ZNF462: variants seen among roughly 807,000 people sequenced by gnomAD.
ZNF462 encodes zinc finger PBX1-interacting protein.
In ZNF462, 10 loss-of-function variants were observed where a neutral mutation model predicts 201.9. That is an observed-to-expected ratio of 0.05 (90% CI 0.03 to 0.08). The LOEUF (loss-of-function observed/expected upper bound fraction) is 0.08. ZNF462 is among the 10% of genes least tolerant of loss of function. ZNF462 has a pLI of 1.00. For synonymous variants in ZNF462, 1,227 were observed against 1,193.3 expected (o/e 1.03, Z -0.58); for missense variants, 2,523 against 3,168.3 (o/e 0.80, Z 4.89).
At chr9:106,983,466 T>G (rs1827596949) in intron 9 of ZNF462, among the ~76,000 whole-genome samples, 1 of 152,126 alleles carries the variant, frequency 6.6e-6, no homozygotes, top group African/African-American at 2.4e-5. Context: ...AGACTTGATA[T>G]TAGATGAGAA....
chr9:106,890,830 C>A lies in ZNF462; in HGVS notation c.-31+27475C>A, dbSNP rs189689217. On this transcript the variant is annotated intron_variant, in intron 1 of 12. Transcript: ENST00000277225. This position sits in a 1 kb window ranked among gnomAD's most constrained non-coding sequence, Gnocchi z 4.2. ...ATCATGAGATTACCACATACTCTTG[C>A]CTGGAATCTTGCCAGCAATAGTGAA... Among the ~76,000 whole-genome samples, 441 of 152,212 alleles carry A rather than the reference C, an allele frequency of 2.9e-3. 1 individual carries two copies. The highest frequency in any genetic ancestry group is 8.5e-3 in the South Asian group (41 of 4,820).
intron 1 of ZNF462, among the ~76,000 whole-genome samples, chr9:106,864,238 G>C (rs1222386558): frequency 6.6e-6 from 1 of 151,978 alleles, no homozygotes; most frequent in Non-Finnish European, 1.5e-5. Flanking sequence ...GGGGGCGCAG[G>C]TTCAGGAGCG....
In ZNF462 at chr9:106,902,937, C is replaced by A. The variant is rs1829124687; in HGVS notation, c.-30-20417C>A. Among the ~76,000 whole-genome samples the A allele has an allele frequency of 6.6e-6, 1 of 151,704 alleles. No homozygotes were observed. The highest frequency in any genetic ancestry group is 2.4e-5 in the African/African-American group (1 of 41,312). ...TTTGTTTGAATTTCATTTAGTTTTG[C>A]CCTGATCTTGGTTATTTCCTCCCTT... is the stretch of plus-strand genomic sequence containing the variant. On this transcript the variant is annotated intron_variant, in intron 1 of 12. Transcript: ENST00000277225. The surrounding 1 kb of genome is among the most constrained non-coding windows in gnomAD (Gnocchi z 4.2).
Position 106,930,429 on chromosome 9 carries a change from G to A in ZNF462, c.5848-96G>A, listed in dbSNP as rs1830378441. ...TCCCTTGGTTTTTAACCTGCTAATC[G>A]GCTTTAAAATAAAGTATGTTAGTAA... On this transcript the variant is annotated intron_variant, in intron 3 of 12. Transcript: ENST00000277225. The surrounding 1 kb of genome is among the most constrained non-coding windows in gnomAD (Gnocchi z 5.8). 17 of 1,484,974 alleles carry A rather than the reference G, an allele frequency of 1.1e-5. No individual in the cohort carries two copies. The highest frequency in any genetic ancestry group is 1.1e-4 in the South Asian group (8 of 75,738). The allele number at this position is 1,484,974 out of a possible 1,614,324, so 92.0% of individuals were successfully genotyped here.
intron 7 of ZNF462, among the ~76,000 whole-genome samples, chr9:106,952,142 A>G (rs1356884413): frequency 6.6e-6 from 1 of 152,158 alleles, no homozygotes; most frequent in Non-Finnish European, 1.5e-5. Context: ...AGTACCATTC[A>G]CATTGTTGTT....
In ZNF462 at chr9:106,928,191, G is replaced by A; in HGVS notation, c.4279G>A (p.Val1427Met). 6.2e-7 allele frequency: 1 copy of A among 1,614,120 alleles called. No homozygotes were observed. Among genetic ancestry groups the A allele is most frequent in the Non-Finnish European group, 8.5e-7 (1 of 1,180,028 alleles). Residue 1427 changes from valine (V) to methionine (M), a missense_variant, in exon 3 of 13, where the codon GTG becomes ATG. By Grantham distance (21) the Val-to-Met change is conservative. Coordinates refer to ENST00000277225, the MANE Select transcript of ZNF462 (RefSeq NM_021224.6). The surrounding 1 kb of genome is among the most constrained non-coding windows in gnomAD (Gnocchi z 9.3). ...ILSSEELAGP[V>M]NCENSIPTPF... The stretch of plus-strand genomic sequence containing the variant: ...TTCATCCGAAGAGTTGGCAGGCCCT[G>A]TGAATTGTGAAAACAGTATACCCAC...
At chr9:106,940,331 A>G (rs1009719076) in intron 7 of ZNF462, among the ~76,000 whole-genome samples, 2 of 152,182 alleles carry the variant, frequency 1.3e-5, no homozygotes, top group Non-Finnish European at 2.9e-5. Context: ...CTTTGGGACC[A>G]TTTATAACAA....
At chr9:106,891,664 T>A (rs1286367063) in intron 1 of ZNF462, among the ~76,000 whole-genome samples, 1 of 152,230 alleles carries the variant, frequency 6.6e-6, no homozygotes, top group East Asian at 1.9e-4. Context: ...CATCTGAACG[T>A]GAAATCACTT....
At chr9:106,976,488 A>G (rs1205963264) in intron 9 of ZNF462, 3 of 152,230 alleles carry the variant, frequency 2.0e-5, no homozygotes, top group Non-Finnish European at 4.4e-5. Flanking sequence ...TGCAGGGCAC[A>G]TGAGAGCTGG....
At position 106,950,505 on chromosome 9, in the gene ZNF462, G is replaced by C. The variant is rs1386938470; in HGVS notation, c.6427+11398G>C. 6.6e-6 allele frequency among the ~76,000 whole-genome samples: 1 copy of C among 152,120 alleles called. No individual in the cohort carries two copies. The highest frequency in any genetic ancestry group is 6.5e-5 in the Admixed American group (1 of 15,272). ...TTGCCCATGGGTAAGTTTTTAATTA[G>C]GGATACAGAGAAGGAAAGATGAGGA... is the stretch of plus-strand genomic sequence containing the variant. On this transcript the variant is annotated intron_variant, in intron 7 of 12. Coordinates refer to ENST00000277225, the MANE Select transcript of ZNF462 (RefSeq NM_021224.6). The surrounding 1 kb of genome is among the most constrained non-coding windows in gnomAD (Gnocchi z 4.1).
At position 107,012,734 on chromosome 9, in the gene ZNF462, T is replaced by TTTTGGG. The variant is rs1829994306; in HGVS notation, c.*1704_*1705insTTTGGG. 2 of 75,306 alleles carry TTTTGGG rather than the reference T, an allele frequency of 2.7e-5. No homozygotes were observed. The highest frequency in any genetic ancestry group is 1.6e-4 in the Admixed American group (1 of 6,236). 4.7% of individuals were successfully genotyped at this position (75,306 alleles called of 1,614,324 possible). ...ATGTTTTTTTTTTTTTTTTTTTACT[T>TTTTGGG]GGAAGGGTTGTGGGAGGGTGGGAGG... is the stretch of plus-strand genomic sequence containing the variant. On this transcript the variant is annotated 3_prime_UTR_variant, in exon 13 of 13. Transcript: ENST00000277225.
At chr9:107,000,946 G>GATGA (rs199985667) in intron 10 of ZNF462, among the ~76,000 whole-genome samples, 15 of 152,122 alleles carry the variant, frequency 9.9e-5, no homozygotes, top group African/African-American at 1.9e-4. Flanking sequence ...AGGAATCCTT[G>GATGA]ATGAATGAAT....
intron 1 of ZNF462, among the ~76,000 whole-genome samples, chr9:106,900,709 T>A (rs748532291): frequency 2.0e-5 from 3 of 152,210 alleles, no homozygotes; most frequent in African/African-American, 7.2e-5. Flanking sequence ...GCTATTCATG[T>A]CCTTCACCTA....
intron 7 of ZNF462, among the ~76,000 whole-genome samples, chr9:106,958,727 G>T (rs889663378): frequency 1.3e-5 from 2 of 151,902 alleles, no homozygotes; most frequent in Admixed American, 6.6e-5. Context: ...AACATTCCTC[G>T]TGGGTAGCAG....
chr9:107,002,154 C>CCTGTGTCCTCATCATCTAG (rs1209030123), intron 10 of ZNF462, among the ~76,000 whole-genome samples: 20 of 152,292 alleles, frequency 1.3e-4, no homozygotes, highest in Admixed American at 7.2e-4. Context: ...TCTTTCCTCT[C>CCTGTGTCCTCATCATCTAG]CTGTGTCCTC....
chr9:106,886,906 T>A lies in ZNF462; in HGVS notation c.-31+23551T>A, dbSNP rs191827851. 2.6e-5 allele frequency among the ~76,000 whole-genome samples: 4 copies of A among 152,108 alleles called. No homozygotes were observed. Among genetic ancestry groups the A allele is most frequent in the Admixed American group, 2.0e-4 (3 of 15,280 alleles). On this transcript the variant is annotated intron_variant, in intron 1 of 12. Coordinates refer to ENST00000277225, the MANE Select transcript of ZNF462 (RefSeq NM_021224.6). The surrounding 1 kb of genome is among the most constrained non-coding windows in gnomAD (Gnocchi z 4.6). ...AGAGTGTGGAGATCAAGCAGAGAAG[T>A]CTGCAATAGGCGGGAGAGGGTAAAT...
At chr9:106,871,250 T>G (rs1336069204) in intron 1 of ZNF462, among the ~76,000 whole-genome samples, 3 of 152,242 alleles carry the variant, frequency 2.0e-5, no homozygotes, top group Non-Finnish European at 4.4e-5. Flanking sequence ...GAGCTCCAGC[T>G]GCTATCATGG....
At position 106,944,848 on chromosome 9, in the gene ZNF462, A is replaced by G. The variant is rs932294724; in HGVS notation, c.6427+5741A>G. ...GGCTTATTGGCAATTTTTTTCTATA[A>G]AAAGGGCCAGACAGAAAATATTTTC... On this transcript the variant is annotated intron_variant, in intron 7 of 12. Transcript: ENST00000277225. Among the ~76,000 whole-genome samples, 3 of 152,234 alleles carry G rather than the reference A, an allele frequency of 2.0e-5. No homozygotes were observed. The South Asian group carries it at 6.2e-4, about 32-fold the overall frequency.
intron 1 of ZNF462, among the ~76,000 whole-genome samples, chr9:106,877,202 G>A (rs1289732330): frequency 1.3e-5 from 2 of 151,784 alleles, no homozygotes; most frequent in Non-Finnish European, 2.9e-5. Flanking sequence ...GGTGGTGGTG[G>A]TGTGAATGTT....
Sources: allele counts gnomAD v4.1 joint callset (sites outside exome capture counted in the v4.1 genomes callset), GRCh38; gene constraint gnomAD v4.1.1; non-coding constraint Gnocchi (gnomAD v3.1); transcripts MANE v1.5; gene names NCBI Gene and HGNC (gene_info 2026-07-23, HGNC 2026-07-21).